CAND2: variants seen among roughly 807,000 people sequenced by gnomAD.
CAND2 encodes cullin associated and neddylation dissociated 2 (putative), also known as cullin-associated NEDD8-dissociated protein 2.
In CAND2, 62 loss-of-function variants were observed where a neutral mutation model predicts 98.9. That is an observed-to-expected ratio of 0.63 (90% confidence interval 0.51 to 0.77). The LOEUF (loss-of-function observed/expected upper bound fraction) is 0.77, where lower values mean the gene tolerates loss of function less well. Ranked by LOEUF, CAND2 falls within the 30% of genes least tolerant of loss-of-function variation. CAND2 has a pLI of 0.00. For missense variants in CAND2, 1,501 were observed against 1,655.2 expected (o/e 0.91, Z 1.62); for synonymous variants, 770 against 731.9 (o/e 1.05, Z -0.84).
intron 1 of CAND2, among the ~76,000 whole-genome samples, chr3:12,798,301 A>G (rs575329248): frequency 1.8e-4 from 28 of 152,058 alleles, no homozygotes; most frequent in Non-Finnish European, 3.8e-4. Context: ...GACAGCTCCT[A>G]TAACTCTTGA....
In CAND2 at chr3:12,812,221, C is replaced by CTTT. The variant is rs531439250; in HGVS notation, c.758-752_758-750dup. On this transcript the variant is annotated intron_variant, in intron 5 of 14. Coordinates refer to ENST00000456430, the MANE Select transcript of CAND2 (RefSeq NM_001162499.2). ...ACCATGCCCGGCCTAAGCTGTTTAT[C>CTTT]TTTTTTTTTTTTTTTTTTTGGAGAT... Among the ~76,000 whole-genome samples the CTTT allele has an allele frequency of 4.8e-4, 36 of 74,516 alleles. 4 individuals are homozygous for CTTT. Among genetic ancestry groups the CTTT allele is most frequent in the Non-Finnish European group, 7.1e-4 (28 of 39,640 alleles). 48.9% of individuals were successfully genotyped at this position (74,516 alleles called of 152,430 possible).
chr3:12,832,183 G>C (rs183292151), intron 14 of CAND2: 1 of 152,374 alleles, frequency 6.6e-6, no homozygotes, highest in East Asian at 1.9e-4. Flanking sequence ...TTAAAGAGGA[G>C]AGATACCCAT....
intron 12 of CAND2, among the ~76,000 whole-genome samples, chr3:12,826,679 T>G (rs1434394219): frequency 6.6e-6 from 1 of 152,142 alleles, no homozygotes. Context: ...CTCAAAGTGC[T>G]GGGAGGACAG....
At chr3:12,797,292 A>T (rs1437940488) in intron 1 of CAND2, among the ~76,000 whole-genome samples, 1 of 150,010 alleles carries the variant, frequency 6.7e-6, no homozygotes, top group East Asian at 2.0e-4. Context: ...CGCAACCCCC[A>T]GCTGACTTTC....
intron 1 of CAND2, among the ~76,000 whole-genome samples, chr3:12,799,904 A>C (rs898165598): frequency 6.9e-6 from 1 of 144,642 alleles, no homozygotes; most frequent in Non-Finnish European, 1.5e-5. Context: ...TGGGCTCTTG[A>C]TGGGTGAATA....
intron 13 of CAND2, 48 bp from the exon 14 acceptor site, chr3:12,831,417 C>G: frequency 6.7e-7 from 1 of 1,502,026 alleles, no homozygotes; most frequent in Non-Finnish European, 9.2e-7. Flanking sequence ...GGCTGCTGCT[C>G]TTGCTCCTGC....
chr3:12,817,904 C>T (rs368188663), intron 10 of CAND2, 28 bp downstream of exon 10: 35 of 1,480,952 alleles, frequency 2.4e-5, no homozygotes, highest in Non-Finnish European at 3.0e-5. Flanking sequence ...GGCAAGGCAG[C>T]CCACCTCGGA....
intron 1 of CAND2, among the ~76,000 whole-genome samples, chr3:12,800,524 C>G (rs9819235): frequency 0.023 from 3,474 of 152,214 alleles, 124 homozygotes; most frequent in African/African-American, 0.077. Context: ...GCTGCTCTGT[C>G]CTGTTTTCTC....
At chr3:12,831,625 C>G (rs1027901927) in intron 14 of CAND2, 53 bp downstream of exon 14, 1 of 993,070 alleles carries the variant, frequency 1.0e-6, no homozygotes, top group African/African-American at 1.9e-5. Flanking sequence ...ATGGAGTCCT[C>G]GGCCAGTCGT....
chr3:12,801,068 C>T (rs1388851527), intron 1 of CAND2, among the ~76,000 whole-genome samples: 2 of 136,092 alleles, frequency 1.5e-5, no homozygotes, highest in South Asian at 2.4e-4. Context: ...GATGGATACT[C>T]GCACTGTTAC....
At chr3:12,807,531 A>AG in intron 3 of CAND2, 71 bp downstream of exon 3, 1 of 1,398,354 alleles carries the variant, frequency 7.2e-7, no homozygotes, top group Non-Finnish European at 9.5e-7. Context: ...AAACGAAAAA[A>AG]CAAAAAAAAA....
chr3:12,825,581 A>G lies in CAND2; in HGVS notation c.3152A>G (p.Asp1051Gly), dbSNP rs1163131263. Residue 1051 changes from aspartate (D) to glycine (G), a missense_variant, in exon 12 of 15, where the codon GAT becomes GGT. Asp to Gly is a moderately conservative substitution (Grantham distance 94, BLOSUM62 -1). Coordinates refer to ENST00000456430, the MANE Select transcript of CAND2 (RefSeq NM_001162499.2). ...NKPSLVRDLL[D>G]DILPLLYQET... ...CCCTCGCTAGTCCGGGACCTGCTGG[A>G]TGACATCCTGCCCCTCCTCTACCAG... is the stretch of plus-strand genomic sequence containing the variant. 1 of 1,611,144 alleles carries G rather than the reference A, an allele frequency of 6.2e-7. No homozygotes were observed.
intron 5 of CAND2, among the ~76,000 whole-genome samples, chr3:12,812,166 C>G (rs1454279067): frequency 6.7e-6 from 1 of 148,494 alleles, no homozygotes; most frequent in African/African-American, 2.5e-5. Context: ...GCCTTGGCCT[C>G]CCAAAGTGCT....
intron 13 of CAND2, among the ~76,000 whole-genome samples, chr3:12,830,226 G>A (rs1232446801): frequency 6.6e-6 from 1 of 152,186 alleles, no homozygotes; most frequent in Non-Finnish European, 1.5e-5. Context: ...AACAACATAA[G>A]TTCTCTGGGA....
intron 3 of CAND2, among the ~76,000 whole-genome samples, chr3:12,807,851 C>T (rs563422257): frequency 6.6e-6 from 1 of 152,290 alleles, no homozygotes; most frequent in East Asian, 1.9e-4. Flanking sequence ...CCAGAAACCC[C>T]CAGAGGACTT....
chr3:12,813,215 C>A, intron 6 of CAND2, 31 bp from the exon 7 acceptor site: 1 of 1,609,962 alleles, frequency 6.2e-7, no homozygotes, highest in Non-Finnish European at 8.5e-7. Context: ...CTGGCTGGAT[C>A]CAGCAAAGCA....
chr3:12,819,850 C>T (rs1384210765), intron 10 of CAND2, among the ~76,000 whole-genome samples: 1 of 152,180 alleles, frequency 6.6e-6, no homozygotes, highest in Admixed American at 6.5e-5. Context: ...TCCCTGTTTG[C>T]AGCCTGTGGT....
chr3:12,822,048 A>G (rs888277807), intron 11 of CAND2, among the ~76,000 whole-genome samples: 8 of 152,134 alleles, frequency 5.3e-5, no homozygotes, highest in Admixed American at 2.6e-4. Flanking sequence ...GCCTGGGTCA[A>G]TGATTACTGT....
chr3:12,810,210 G>T lies in CAND2; in HGVS notation c.643G>T (p.Ala215Ser). 6.5e-7 allele frequency: 1 copy of T among 1,542,870 alleles called. No individual in the cohort carries two copies. The highest frequency in any genetic ancestry group is 2.5e-5 in the East Asian group (1 of 40,056). ...CAGCACCGACCTCTTCGTCGAGCTC[G>T]CTGACCACCTACTGGACCGGCTGCC... The part of the protein sequence containing the change: ...ACSTDLFVEL[A>S]DHLLDRLPGP... The change falls in exon 5 of 15, where the codon GCT (alanine) becomes TCT (serine). Residue 215 changes from alanine (A) to serine (S), a missense_variant. Around this residue, in one of 3 missense-constraint regions of CAND2, gnomAD observed 1,427 missense variants for 1,545.3 expected, o/e 0.92. Coordinates refer to ENST00000456430, the MANE Select transcript of CAND2 (RefSeq NM_001162499.2).
Sources: gnomAD v4.1 joint callset for allele counts (sites outside exome capture counted in the v4.1 genomes callset) on GRCh38, gnomAD v4.1.1 for gene constraint, gnomAD v4.1.1 regional missense constraint, MANE v1.5 for transcripts, NCBI Gene and HGNC (gene_info 2026-07-23, HGNC 2026-07-21) for gene names.